The following UBAP2L variants were observed in gnomAD, a reference collection of about 807,000 sequenced individuals.
UBAP2L encodes ubiquitin-associated protein 2-like.
UBAP2L carries 12 observed loss-of-function variants against 130.6 expected under a neutral mutation model. The observed-to-expected ratio is 0.09, with a 90% CI of 0.06 to 0.15. The LOEUF is 0.15. Among genes scored for constraint, UBAP2L ranks in the 10% least tolerant of loss-of-function variants. UBAP2L has a pLI of 1.00. For synonymous variants in UBAP2L, 503 were observed against 524.7 expected (o/e 0.96, Z 0.57); for missense variants, 965 against 1,332.5 (o/e 0.72, Z 4.29).
At position 154,251,101 on chromosome 1, in the gene UBAP2L, C is replaced by G. The variant is rs1260016643; in HGVS notation, c.1274C>G (p.Thr425Ser). Residue 425 changes from threonine (T) to serine (S), a missense_variant, in exon 13 of 27, where the codon ACC becomes AGC. Coordinates refer to ENST00000428931, the MANE Select transcript of UBAP2L (RefSeq NM_014847.4). ...HSPFTKRQAF[T>S]PSSTMMEVFL... ...CCCTTTACAAAGCGCCAGGCTTTTACCCCATCTTCAACCATGATGGAGGTG... is the reference window on the plus strand; with the variant it reads ...CCCTTTACAAAGCGCCAGGCTTTTAGCCCATCTTCAACCATGATGGAGGTG... 3 of 1,614,008 alleles carry G rather than the reference C, an allele frequency of 1.9e-6. No homozygotes were observed. Among genetic ancestry groups the G allele is most frequent in the Non-Finnish European group, 2.5e-6 (3 of 1,180,030 alleles).
chr1:154,266,455 G>GGTAGC, intron 24 of UBAP2L, 46 bp from the exon 25 acceptor site: 1 of 1,591,614 alleles, frequency 6.3e-7, no homozygotes, highest in Non-Finnish European at 8.6e-7. Flanking sequence ...ATAAGGGCCA[G>GGTAGC]GTAGCTAGCT....
chr1:154,258,929 T>A, intron 20 of UBAP2L, 48 bp from the exon 21 acceptor site: 1 of 1,545,154 alleles, frequency 6.5e-7, no homozygotes, highest in South Asian at 1.1e-5. Context: ...CTTGTTTTGC[T>A]AACATCATGA....
chr1:154,224,180 CTCA>C (rs2148439396), intron 1 of UBAP2L, among the ~76,000 whole-genome samples: 1 of 152,300 alleles, frequency 6.6e-6, no homozygotes, highest in East Asian at 1.9e-4. Context: ...TCTTTAAAGA[CTCA>C]ACTAAGTCAT....
chr1:154,259,713 A>T (rs747611989), intron 21 of UBAP2L: 4 of 655,708 alleles, frequency 6.1e-6, no homozygotes, highest in Non-Finnish European at 1.1e-5. Flanking sequence ...GTGGACTTTG[A>T]TGTATTCTCA....
At chr1:154,261,947 T>C (rs370929590) in intron 24 of UBAP2L, among the ~76,000 whole-genome samples, 33 of 152,248 alleles carry the variant, frequency 2.2e-4, no homozygotes, top group African/African-American at 6.7e-4. Context: ...TAGAATATGT[T>C]GGTTGGCCAA....
chr1:154,239,497 A>C (rs1269671310), intron 8 of UBAP2L, among the ~76,000 whole-genome samples: 1 of 152,136 alleles, frequency 6.6e-6, no homozygotes, highest in Non-Finnish European at 1.5e-5. Context: ...AATATTTGAC[A>C]GTTACACTGA....
chr1:154,270,602 T>G lies in UBAP2L; in HGVS notation c.*307T>G, dbSNP rs1684536412. 7.1e-7 allele frequency: 1 copy of G among 1,417,562 alleles called. No individual in the cohort carries two copies. Among genetic ancestry groups the G allele is most frequent in the East Asian group, 2.6e-5 (1 of 38,384 alleles). 87.8% of individuals were successfully genotyped at this position (1,417,562 alleles called of 1,614,324 possible). A position where few individuals can be genotyped will look rare whatever the true frequency, so the allele number is the denominator to read the frequency against. ...CTTTGCTTCCTCCTGTTCACCCTGG[T>G]GGTGTACGGATGAGGCGGGGAGGTG... On this transcript the variant is annotated 3_prime_UTR_variant, in exon 27 of 27. Transcript: ENST00000428931.
chr1:154,229,849 C>G (rs969184792), intron 4 of UBAP2L, among the ~76,000 whole-genome samples: 18 of 152,270 alleles, frequency 1.2e-4, no homozygotes, highest in African/African-American at 4.3e-4. Flanking sequence ...TTCATCCTTA[C>G]AGATAACAAC....
intron 1 of UBAP2L, among the ~76,000 whole-genome samples, chr1:154,222,086 GCGTTTTTGTTATTATTGTTAA>G (rs980630145): frequency 2.6e-5 from 4 of 152,132 alleles, no homozygotes; most frequent in Non-Finnish European, 4.4e-5. Flanking sequence ...ACAGTAACAG[GCGTTTTTGTTATTATTGTTAA>G]CGTTTTTGCC....
intron 11 of UBAP2L, 115 bp downstream of exon 11, chr1:154,246,490 T>G: frequency 8.3e-7 from 1 of 1,201,560 alleles, no homozygotes; most frequent in Non-Finnish European, 1.2e-6. Flanking sequence ...CTCTTTGTCT[T>G]CTTAAGCAGA....
intron 11 of UBAP2L, among the ~76,000 whole-genome samples, chr1:154,248,037 G>A (rs1038019890): frequency 6.6e-6 from 1 of 150,414 alleles, no homozygotes; most frequent in Non-Finnish European, 1.5e-5. Flanking sequence ...GCGCGATCTT[G>A]GCTCACCGCA....
intron 3 of UBAP2L, 27 bp downstream of exon 3, chr1:154,227,386 A>G (rs1193082630): frequency 1.9e-6 from 3 of 1,586,146 alleles, no homozygotes; most frequent in East Asian, 2.2e-5. Context: ...TTTACTGTAC[A>G]CTATGAGAAA....
At position 154,251,586 on chromosome 1, in the gene UBAP2L, G is replaced by A. The variant is rs1389363908; in HGVS notation, c.1597G>A (p.Glu533Lys). Residue 533 changes from glutamate to lysine, a missense_variant, in exon 14 of 27, where the codon GAG becomes AAG. Physicochemically the swap from Glu to Lys is moderately conservative, Grantham distance 56 (BLOSUM62 1). Around this residue, in one of 9 missense-constraint regions of UBAP2L, gnomAD observed 393 missense variants for 408.1 expected, o/e 0.96. Coordinates refer to ENST00000428931, the MANE Select transcript of UBAP2L (RefSeq NM_014847.4). ...FGSEPVLSDY[E>K]STPTTSASSS... The stretch of plus-strand genomic sequence containing the variant: ...GTCAGAGCCTGTCCTTTCTGATTAT[G>A]AGTCCACCCCCACCACGAGCGCCTC... 6.2e-7 allele frequency: 1 copy of A among 1,614,094 alleles called. No individual in the cohort carries two copies. The highest frequency in any genetic ancestry group is 8.5e-7 in the Non-Finnish European group (1 of 1,180,026).
At chr1:154,260,286 T>C (rs1558219618) in intron 22 of UBAP2L, among the ~76,000 whole-genome samples, 1 of 152,156 alleles carries the variant, frequency 6.6e-6, no homozygotes, top group African/African-American at 2.4e-5. Context: ...GGTGGGAGAA[T>C]TGCTTGAGCC....
chr1:154,227,174 T>A (rs144257181), intron 2 of UBAP2L, 108 bp from the exon 3 acceptor site: 2 of 908,788 alleles, frequency 2.2e-6, no homozygotes, highest in East Asian at 5.0e-5. Flanking sequence ...CTTGCTCATT[T>A]GTTACAAGGA....
intron 17 of UBAP2L, 61 bp downstream of exon 17, chr1:154,255,387 C>A: frequency 6.3e-7 from 1 of 1,577,930 alleles, no homozygotes; most frequent in South Asian, 1.2e-5. Flanking sequence ...GCTCTCTGGT[C>A]CTTATTACTC....
At chr1:154,238,816 C>T (rs1253191169) in intron 8 of UBAP2L, among the ~76,000 whole-genome samples, 1 of 152,020 alleles carries the variant, frequency 6.6e-6, no homozygotes, top group Admixed American at 6.6e-5. Flanking sequence ...TCTTGGCTCA[C>T]TACAGCCTCT....
chr1:154,267,817 A>T (rs1324901952), intron 25 of UBAP2L, among the ~76,000 whole-genome samples: 1 of 146,194 alleles, frequency 6.8e-6, no homozygotes, highest in Non-Finnish European at 1.5e-5. Flanking sequence ...TTCGGATTTC[A>T]TGATGTTCAC....
intron 2 of UBAP2L, among the ~76,000 whole-genome samples, chr1:154,226,385 TGTTA>T (rs1462662539): frequency 1.3e-5 from 2 of 152,258 alleles, no homozygotes; most frequent in African/African-American, 2.4e-5. Context: ...ACCAGGTTGA[TGTTA>T]GTTGGTATGT....
Sources: allele counts gnomAD v4.1 joint callset (sites outside exome capture counted in the v4.1 genomes callset), GRCh38; gene constraint gnomAD v4.1.1; regional missense constraint gnomAD v4.1.1; transcripts MANE v1.5; gene names NCBI Gene and HGNC (gene_info 2026-07-23, HGNC 2026-07-21).